Variants in ADGRG7 observed in about 807,000 individuals in gnomAD.
ADGRG7 encodes the protein adhesion G protein-coupled receptor G7.
In ADGRG7, 82 loss-of-function variants were observed where a neutral mutation model predicts 88.6. The observed-to-expected ratio is 0.93, with a 90% CI of 0.77 to 1.11. The LOEUF is 1.11. ADGRG7 is among the 50% of genes most tolerant of loss of function. The pLI, the probability that ADGRG7 is intolerant of heterozygous loss-of-function variation, is 0.00. For missense variants in ADGRG7, 945 were observed against 953.4 expected (o/e 0.99, Z 0.12); for synonymous variants, 381 against 345.2 (o/e 1.10, Z -1.15).
At chr3:100,677,432 T>A (rs1332956509) in intron 15 of ADGRG7, among the ~76,000 whole-genome samples, 4 of 152,158 alleles carry the variant, frequency 2.6e-5, no homozygotes, top group Non-Finnish European at 4.4e-5. Context: ...GTTATTTTGA[T>A]AGGTTCATCT....
intron 6 of ADGRG7, chr3:100,637,605 G>A (rs1707567531): frequency 1.9e-6 from 1 of 513,702 alleles, no homozygotes; most frequent in South Asian, 2.4e-5. Flanking sequence ...GCATCCAGGG[G>A]TGCTGGCCAT....
At chr3:100,687,215 C>T (rs900176173) in intron 15 of ADGRG7, among the ~76,000 whole-genome samples, 16 of 152,138 alleles carry the variant, frequency 1.1e-4, no homozygotes, top group African/African-American at 3.6e-4. Context: ...GTGATTTTTG[C>T]ACATTGATTT....
chr3:100,691,686 T>C (rs2094994077), intron 15 of ADGRG7, among the ~76,000 whole-genome samples: 1 of 85,558 alleles, frequency 1.2e-5, no homozygotes, highest in South Asian at 5.1e-4. Context: ...ACAATCTACA[T>C]AGTTTATTTA....
chr3:100,629,537 G>A, intron 1 of ADGRG7, 61 bp from the exon 2 acceptor site: 1 of 1,144,668 alleles, frequency 8.7e-7, no homozygotes, highest in Non-Finnish European at 1.3e-6. Context: ...GTGGCCACAG[G>A]CATGAAAGGA....
chr3:100,633,425 C>A, intron 4 of ADGRG7, 48 bp downstream of exon 4: 2 of 1,050,670 alleles, frequency 1.9e-6, no homozygotes, highest in Non-Finnish European at 2.8e-6. Flanking sequence ...GTTCTGATTC[C>A]GTGCAGTTTC....
At chr3:100,617,668 T>A (rs1707245232) in intron 1 of ADGRG7, among the ~76,000 whole-genome samples, 1 of 152,332 alleles carries the variant, frequency 6.6e-6, no homozygotes, top group South Asian at 2.1e-4. Flanking sequence ...AGTGCCGCAA[T>A]AAACATATGT....
At chr3:100,613,937 C>T (rs1707192080) in intron 1 of ADGRG7, among the ~76,000 whole-genome samples, 1 of 152,134 alleles carries the variant, frequency 6.6e-6, no homozygotes. Flanking sequence ...TAGCTTTGAG[C>T]AAATTATTAA....
At chr3:100,687,877 T>A (rs978169523) in intron 15 of ADGRG7, among the ~76,000 whole-genome samples, 3 of 152,210 alleles carry the variant, frequency 2.0e-5, no homozygotes, top group African/African-American at 7.2e-5. Flanking sequence ...GGTATCAGGA[T>A]GATGCTGGTC....
intron 15 of ADGRG7, among the ~76,000 whole-genome samples, chr3:100,676,772 TG>T (rs1160058589): frequency 6.6e-6 from 1 of 152,108 alleles, no homozygotes; most frequent in Non-Finnish European, 1.5e-5. Flanking sequence ...TTTATATATG[TG>T]GGTGCTCCAG....
At chr3:100,630,928 A>T in intron 3 of ADGRG7, 119 bp downstream of exon 3, 1 of 437,192 alleles carries the variant, frequency 2.3e-6, no homozygotes. Flanking sequence ...TTGTGGAAGG[A>T]CTTAACTCCC....
At chr3:100,617,488 C>T (rs1046026212) in intron 1 of ADGRG7, among the ~76,000 whole-genome samples, 18 of 151,410 alleles carry the variant, frequency 1.2e-4, no homozygotes, top group Non-Finnish European at 2.1e-4. Flanking sequence ...TTTGTCCTTG[C>T]GATAGTTTGC....
Position 100,659,804 on chromosome 3 carries a change from C to T in ADGRG7, c.1940C>T (p.Ser647Leu), listed in dbSNP as rs144717099. Residue 647 changes from serine (S) to leucine (L), a missense_variant, in exon 14 of 16, where the codon TCG (serine) becomes TTG (leucine). Coordinates refer to ENST00000273352, the MANE Select transcript of ADGRG7 (RefSeq NM_032787.3). ...ISNVVMFITISIKVLWKNNQN... is the reference protein window; with the variant it reads ...ISNVVMFITILIKVLWKNNQN... ...AATGTTGTTATGTTTATTACAATCT[C>T]GATCAAAGTGCTGTGGAAGAATAAC... is the stretch of plus-strand genomic sequence containing the variant. 4.6e-5 allele frequency: 74 copies of T among 1,613,666 alleles called. No individual in the cohort carries two copies. Among genetic ancestry groups the T allele is most frequent in the Non-Finnish European group, 5.6e-5 (66 of 1,179,880 alleles).
intron 6 of ADGRG7, among the ~76,000 whole-genome samples, chr3:100,639,409 A>G (rs914416744): frequency 6.6e-6 from 1 of 152,238 alleles, no homozygotes; most frequent in African/African-American, 2.4e-5. Flanking sequence ...TAGAAAAAGC[A>G]CAAAGGCACA....
chr3:100,685,494 T>G (rs542361144), intron 15 of ADGRG7, among the ~76,000 whole-genome samples: 1 of 152,252 alleles, frequency 6.6e-6, no homozygotes, highest in East Asian at 1.9e-4. Flanking sequence ...CATTTAGCAT[T>G]AGGTATATCT....
intron 6 of ADGRG7, among the ~76,000 whole-genome samples, chr3:100,639,818 A>T (rs779071704): frequency 2.0e-5 from 3 of 152,246 alleles, no homozygotes; most frequent in Non-Finnish European, 4.4e-5. Flanking sequence ...TAATATATAA[A>T]GGAAAATACA....
chr3:100,633,336 A>G lies in ADGRG7; in HGVS notation c.406A>G (p.Ile136Val). 3 of 1,590,792 alleles carry G rather than the reference A, an allele frequency of 1.9e-6. No individual in the cohort carries two copies. Among genetic ancestry groups the G allele is most frequent in the Middle Eastern group, 1.7e-4 (1 of 5,980 alleles). Residue 136 changes from isoleucine (I) to valine (V), a missense_variant, in exon 4 of 16, where the codon ATA (isoleucine) becomes GTA (valine). Physicochemically the swap from Ile to Val is conservative, Grantham distance 29. Transcript: ENST00000273352. Reference protein sequence around the residue: ...YGEIELQKVTIGNCNENLETL... With the variant: ...YGEIELQKVTVGNCNENLETL... Reference sequence around the variant, plus strand: ...AGAGATAGAATTACAAAAAGTGACAATAGGAAATTGCAATGAAAATCTGGA... The same window carrying G: ...AGAGATAGAATTACAAAAAGTGACAGTAGGAAATTGCAATGAAAATCTGGA...
At chr3:100,614,564 C>T (rs1327475615) in intron 1 of ADGRG7, among the ~76,000 whole-genome samples, 1 of 152,122 alleles carries the variant, frequency 6.6e-6, no homozygotes, top group African/African-American at 2.4e-5. Flanking sequence ...GCATTGTCCT[C>T]TCATTTAAGA....
chr3:100,663,955 A>G (rs1415178693), intron 14 of ADGRG7, among the ~76,000 whole-genome samples: 1 of 152,026 alleles, frequency 6.6e-6, no homozygotes, highest in Non-Finnish European at 1.5e-5. Context: ...CGTGATATTG[A>G]TGTTTTAACG....
At chr3:100,630,419 A>G (rs1707444379) in intron 2 of ADGRG7, among the ~76,000 whole-genome samples, 1 of 152,154 alleles carries the variant, frequency 6.6e-6, no homozygotes, top group Admixed American at 6.5e-5. Context: ...TTTAGTTCTG[A>G]AGATTCCAAC....
Sources: gnomAD v4.1 joint callset for allele counts (sites outside exome capture counted in the v4.1 genomes callset) on GRCh38, gnomAD v4.1.1 for gene constraint, MANE v1.5 for transcripts, NCBI Gene and HGNC (gene_info 2026-07-23, HGNC 2026-07-21) for gene names.